FGGY: variants seen among roughly 807,000 people sequenced by gnomAD.
The protein encoded by FGGY is FGGY carbohydrate kinase domain-containing protein.
In FGGY, 72 loss-of-function variants were observed where a neutral mutation model predicts 71.3. That is an observed-to-expected ratio of 1.01 (90% CI 0.84 to 1.23). The LOEUF (loss-of-function observed/expected upper bound fraction) is 1.23. Among genes scored for constraint, FGGY ranks in the 50% most tolerant of loss-of-function variants. FGGY has a pLI of 0.00. For missense variants in FGGY, 668 were observed against 682.3 expected (o/e 0.98, Z 0.23); for synonymous variants, 251 against 250.3 (o/e 1.00, Z -0.02).
intron 14 of FGGY, among the ~76,000 whole-genome samples, chr1:59,694,620 G>A (rs1405727159): frequency 4.6e-5 from 7 of 151,526 alleles, no homozygotes; most frequent in Admixed American, 2.6e-4. Flanking sequence ...AGTCTTCTTC[G>A]ATATATTAAA....
At chr1:59,587,943 C>T (rs1406728282) in intron 8 of FGGY, among the ~76,000 whole-genome samples, 1 of 152,186 alleles carries the variant, frequency 6.6e-6, no homozygotes, top group Non-Finnish European at 1.5e-5. Context: ...CAAAGCTGGA[C>T]AGAGATTGAC....
At chr1:59,736,265 A>G (rs2098102370) in intron 14 of FGGY, among the ~76,000 whole-genome samples, 2 of 152,148 alleles carry the variant, frequency 1.3e-5, no homozygotes, top group Non-Finnish European at 2.9e-5. Context: ...CTTTATCAGC[A>G]GCGTGAAAAT....
intron 7 of FGGY, chr1:59,553,886 TA>T (rs1039189180): frequency 1.6e-4 from 59 of 375,520 alleles, no homozygotes; most frequent in African/African-American, 1.1e-3. Context: ...CTGCCATTAT[TA>T]TAACGTTGGG....
intron 5 of FGGY, among the ~76,000 whole-genome samples, chr1:59,391,649 C>T (rs536964707): frequency 4.5e-4 from 68 of 152,312 alleles, no homozygotes; most frequent in Middle Eastern, 3.4e-3. Flanking sequence ...CTGAGAACCA[C>T]TAGTCTGAAT....
chr1:59,461,811 T>G (rs34689349), intron 6 of FGGY, among the ~76,000 whole-genome samples: 1 of 152,170 alleles, frequency 6.6e-6, no homozygotes, highest in African/African-American at 2.4e-5. Context: ...TATTTTATTG[T>G]ATTTTATTTT....
chr1:59,575,412 G>A lies in FGGY; in HGVS notation c.903+21185G>A, dbSNP rs187254608. ...ACTTAGCATAATGTTCTCCAGGATC[G>A]TCTGTGTCACTGCAAATGACAGAAT... On this transcript the variant is annotated intron_variant, in intron 8 of 15. Transcript: ENST00000303721. 1.4e-4 allele frequency among the ~76,000 whole-genome samples: 21 copies of A among 152,212 alleles called. No individual in the cohort carries two copies. The South Asian group carries it at 2.1e-3, about 15-fold the overall frequency.
intron 4 of FGGY, among the ~76,000 whole-genome samples, chr1:59,367,055 CA>C (rs2056717483): frequency 6.6e-6 from 1 of 152,168 alleles, no homozygotes; most frequent in Non-Finnish European, 1.5e-5. Context: ...AGCCAGACTA[CA>C]GAGTTAAAAT....
chr1:59,468,610 C>T (rs1363405514), intron 6 of FGGY, among the ~76,000 whole-genome samples: 1 of 152,098 alleles, frequency 6.6e-6, no homozygotes, highest in Non-Finnish European at 1.5e-5. Context: ...TGGTGGCTCA[C>T]ACCTGTAATC....
Position 59,550,520 on chromosome 1 carries a change from C to G in FGGY, c.800-3604C>G, listed in dbSNP as rs185950468. Among the ~76,000 whole-genome samples the G allele has an allele frequency of 2.7e-3, 409 of 152,078 alleles. 1 individual carries two copies. The highest frequency in any genetic ancestry group is 4.6e-3 in the Non-Finnish European group (312 of 67,978). On this transcript the variant is annotated intron_variant, in intron 7 of 15. Coordinates refer to ENST00000303721, the MANE Select transcript of FGGY (RefSeq NM_018291.5). ...GAGGGGAAATGAGGCCAGTCCTGCC[C>G]AATATATATAATTTTAGGTAAGGAG...
intron 8 of FGGY, among the ~76,000 whole-genome samples, chr1:59,594,974 C>T (rs1452184602): frequency 6.6e-6 from 1 of 152,186 alleles, no homozygotes; most frequent in East Asian, 1.9e-4. Flanking sequence ...TGTAAACACA[C>T]AAGAACAGCT....
At chr1:59,646,667 A>G (rs900707279) in intron 11 of FGGY, among the ~76,000 whole-genome samples, 1 of 152,114 alleles carries the variant, frequency 6.6e-6, no homozygotes, top group African/African-American at 2.4e-5. Context: ...ACCATGGTAG[A>G]TGCTTTCCAT....
At chr1:59,357,353 AAAAATTTTACTTTAT>A (rs2054531452) in intron 4 of FGGY, among the ~76,000 whole-genome samples, 2 of 152,224 alleles carry the variant, frequency 1.3e-5, no homozygotes, top group Admixed American at 6.5e-5. Context: ...TAATACTTTA[AAAAATTTTACTTTAT>A]GGCTATGGCA....
intron 8 of FGGY, among the ~76,000 whole-genome samples, chr1:59,563,389 C>T (rs983684763): frequency 2.6e-5 from 4 of 152,054 alleles, no homozygotes; most frequent in East Asian, 1.9e-4. Flanking sequence ...GTTTATGTGA[C>T]GGGTTACACC....
intron 2 of FGGY, 53 bp from the exon 3 acceptor site, chr1:59,339,905 A>G (rs1233903472): frequency 1.5e-5 from 16 of 1,099,312 alleles, no homozygotes; most frequent in African/African-American, 3.1e-5. Flanking sequence ...ACTGTTTTCA[A>G]TCTTTAAAGA....
intron 7 of FGGY, among the ~76,000 whole-genome samples, chr1:59,553,009 A>G (rs2095632706): frequency 6.6e-6 from 1 of 152,206 alleles, no homozygotes; most frequent in Non-Finnish European, 1.5e-5. Flanking sequence ...AACAGGGAGA[A>G]TCGTCTGTCC....
At chr1:59,348,384 C>G (rs560633770) in intron 4 of FGGY, among the ~76,000 whole-genome samples, 2 of 152,292 alleles carry the variant, frequency 1.3e-5, no homozygotes, top group South Asian at 4.1e-4. Context: ...ATATGGCAAT[C>G]TCTGGTCAAA....
chr1:59,762,619 G>A lies in FGGY; in HGVS notation c.*35G>A. On this transcript the variant is annotated 3_prime_UTR_variant, in exon 16 of 16. Transcript: ENST00000303721. ...GCAGGTGCTGATGCCAGAAGCTTCT[G>A]TGCCATTGCATTAAAGACTTGTCAT... 1.3e-6 allele frequency: 2 copies of A among 1,501,404 alleles called. 1 individual carries two copies. The highest frequency in any genetic ancestry group is 1.8e-6 in the Non-Finnish European group (2 of 1,103,204). 93.0% of individuals were successfully genotyped at this position (1,501,404 alleles called of 1,614,324 possible).
At position 59,499,299 on chromosome 1, in the gene FGGY, G is replaced by GTT. The variant is rs58170089; in HGVS notation, c.671-12997_671-12996dup. 2.6e-4 allele frequency among the ~76,000 whole-genome samples: 28 copies of GTT among 105,820 alleles called. No individual in the cohort carries two copies. In the Middle Eastern group the frequency reaches 0.018, roughly 68 times the overall value. 69.4% of individuals were successfully genotyped at this position (105,820 alleles called of 152,430 possible). A position where few individuals can be genotyped will look rare whatever the true frequency, so the allele number is the denominator to read the frequency against. On this transcript the variant is annotated intron_variant, in intron 6 of 15. Coordinates refer to ENST00000303721, the MANE Select transcript of FGGY (RefSeq NM_018291.5). ...ACTGAACCCTATGTATACTATGTTT[G>GTT]TTTTTTTTTTTTTTTTGATCTGGTA...
At chr1:59,700,795 T>C (rs2097703277) in intron 14 of FGGY, among the ~76,000 whole-genome samples, 1 of 151,958 alleles carries the variant, frequency 6.6e-6, no homozygotes, top group Non-Finnish European at 1.5e-5. Flanking sequence ...GGAGCAAAAA[T>C]GGAATGACAG....
Sources: gnomAD v4.1 joint callset for allele counts (sites outside exome capture counted in the v4.1 genomes callset) on GRCh38, gnomAD v4.1.1 for gene constraint, MANE v1.5 for transcripts, NCBI Gene and HGNC (gene_info 2026-07-23, HGNC 2026-07-21) for gene names.